ZMAT4: variants seen among roughly 807,000 people sequenced by gnomAD.
ZMAT4 encodes the protein zinc finger matrin-type 4.
In ZMAT4, 17 loss-of-function variants were observed where a neutral mutation model predicts 28.7. The ratio of observed to expected loss-of-function variants is 0.59; its 90% CI spans 0.41 to 0.89. The LOEUF is 0.89. ZMAT4 is among the 40% of genes least tolerant of loss of function. The pLI, the probability that ZMAT4 is intolerant of heterozygous loss-of-function variation, is 0.00. For missense variants in ZMAT4, 240 were observed against 283.8 expected, an observed-to-expected ratio of 0.85 and a Z score of 1.11; for synonymous variants, 117 against 109.2, an observed-to-expected ratio of 1.07 and a Z score of -0.44.
chr8:40,715,895 TG>T (rs1021981204), intron 3 of ZMAT4, among the ~76,000 whole-genome samples: 3 of 152,202 alleles, frequency 2.0e-5, no homozygotes, highest in African/African-American at 7.2e-5. Context: ...CTCCAAGTCA[TG>T]GAGAAAAACT....
intron 2 of ZMAT4, among the ~76,000 whole-genome samples, chr8:40,798,276 C>G (rs1814679221): frequency 1.3e-5 from 2 of 152,196 alleles, no homozygotes; most frequent in South Asian, 4.1e-4. Context: ...AAAGAACTTT[C>G]TGATGTTCTC....
At chr8:40,758,348 T>C (rs987157731) in intron 3 of ZMAT4, among the ~76,000 whole-genome samples, 30 of 152,158 alleles carry the variant, frequency 2.0e-4, no homozygotes, top group African/African-American at 7.0e-4. Flanking sequence ...TAAGAGAAAG[T>C]TGGTAGACTC....
chr8:40,724,713 T>C (rs1468348394), intron 3 of ZMAT4, among the ~76,000 whole-genome samples: 2 of 152,148 alleles, frequency 1.3e-5, no homozygotes, highest in Non-Finnish European at 2.9e-5. Flanking sequence ...CACTGGGGCC[T>C]TCACAGAGGA....
At chr8:40,727,537 G>A (rs1473408312) in intron 3 of ZMAT4, among the ~76,000 whole-genome samples, 1 of 152,276 alleles carries the variant, frequency 6.6e-6, no homozygotes, top group African/African-American at 2.4e-5. Context: ...GTGGATACTT[G>A]AACAAAATTG....
chr8:40,869,538 T>TA (rs1432098877), intron 1 of ZMAT4, among the ~76,000 whole-genome samples: 1 of 152,196 alleles, frequency 6.6e-6, no homozygotes, highest in African/African-American at 2.4e-5. Context: ...AGAATAAGAA[T>TA]ATCTACATCA....
At chr8:40,627,865 T>C (rs1806431307) in intron 5 of ZMAT4, among the ~76,000 whole-genome samples, 2 of 152,122 alleles carry the variant, frequency 1.3e-5, no homozygotes, top group African/African-American at 4.8e-5. Context: ...GAAAGATAAG[T>C]CCATAGCTGT....
intron 1 of ZMAT4, among the ~76,000 whole-genome samples, chr8:40,885,196 C>T (rs1380569158): frequency 6.6e-6 from 1 of 152,120 alleles, no homozygotes; most frequent in South Asian, 2.1e-4. Flanking sequence ...TCGTTTCCTC[C>T]CTCTCTACTC....
At chr8:40,854,682 G>A (rs1223880754) in intron 1 of ZMAT4, among the ~76,000 whole-genome samples, 1 of 152,168 alleles carries the variant, frequency 6.6e-6, no homozygotes, top group Non-Finnish European at 1.5e-5. Flanking sequence ...TCAGCCCACA[G>A]CCTGCAGGTG....
At chr8:40,716,679 G>A (rs1810868797) in intron 3 of ZMAT4, among the ~76,000 whole-genome samples, 1 of 152,106 alleles carries the variant, frequency 6.6e-6, no homozygotes, top group Non-Finnish European at 1.5e-5. Flanking sequence ...GCGACAGAAC[G>A]AGACTGTCTC....
At chr8:40,746,988 C>T (rs6995810) in intron 3 of ZMAT4, among the ~76,000 whole-genome samples, 3 of 151,992 alleles carry the variant, frequency 2.0e-5, no homozygotes, top group African/African-American at 7.3e-5. Context: ...TCTCTCCCCA[C>T]GTGCTCTCCC....
intron 1 of ZMAT4, among the ~76,000 whole-genome samples, chr8:40,881,600 AAAG>A (rs1460189651): frequency 8.1e-5 from 3 of 37,116 alleles, no homozygotes; most frequent in African/African-American, 3.8e-4. Context: ...GAAAGAAAGA[AAAG>A]AAAAGAAAAG....
intron 6 of ZMAT4, among the ~76,000 whole-genome samples, chr8:40,570,501 C>G (rs181482734): frequency 8.2e-4 from 125 of 152,184 alleles, no homozygotes; most frequent in African/African-American, 2.9e-3. Flanking sequence ...GAGTTTGAGA[C>G]CAGCCCGGGC....
In ZMAT4 at chr8:40,870,312, T is replaced by C. The variant is rs534722141; in HGVS notation, c.-5+27371A>G. On this transcript the variant is annotated intron_variant, in intron 1 of 6. Transcript: ENST00000297737. The stretch of plus-strand genomic sequence containing the variant: ...CCTCTTCCTTTCTGTAGCCCAGGAC[T>C]CTGTATCAGCTTCAATCATCTGACC... Among the ~76,000 whole-genome samples the C allele has an allele frequency of 3.2e-4, 49 of 152,328 alleles. No individual in the cohort carries two copies. In the East Asian group the frequency reaches 9.3e-3, roughly 29 times the overall value.
At chr8:40,781,551 A>G (rs1813824619) in intron 2 of ZMAT4, among the ~76,000 whole-genome samples, 1 of 151,722 alleles carries the variant, frequency 6.6e-6, no homozygotes, top group Admixed American at 6.6e-5. Context: ...TCACGAGGTC[A>G]GGAGTTCGAG....
intron 2 of ZMAT4, among the ~76,000 whole-genome samples, chr8:40,816,369 G>A (rs1456495597): frequency 2.0e-5 from 3 of 152,052 alleles, no homozygotes; most frequent in Non-Finnish European, 4.4e-5. Flanking sequence ...AACATATAAT[G>A]ACTATAATGT....
intron 3 of ZMAT4, among the ~76,000 whole-genome samples, chr8:40,701,438 T>C (rs915285855): frequency 4.6e-5 from 7 of 150,846 alleles, no homozygotes; most frequent in African/African-American, 1.7e-4. Flanking sequence ...GTTATTCACA[T>C]AGTGCAATTC....
intron 2 of ZMAT4, among the ~76,000 whole-genome samples, chr8:40,788,567 A>G (rs1814185340): frequency 6.6e-6 from 1 of 152,166 alleles, no homozygotes; most frequent in South Asian, 2.1e-4. Context: ...CAGCTGGGTG[A>G]CAGAAATTAA....
chr8:40,674,639 G>T, intron 5 of ZMAT4, 65 bp downstream of exon 5: 1 of 1,307,234 alleles, frequency 7.6e-7, no homozygotes, highest in Non-Finnish European at 1.1e-6. Context: ...ATTCCGATTT[G>T]TGAAAGCCGC....
At position 40,815,804 on chromosome 8, in the gene ZMAT4, G is replaced by T. The variant is rs1028441317; in HGVS notation, c.102+9771C>A. On this transcript the variant is annotated intron_variant, in intron 2 of 6. Transcript: ENST00000297737. ...ATGAAGAGAAAAGTCTAAGTCAATAGCTTGTTATTCTTTTGCCTTTTAGAC... is the reference window on the plus strand; with the variant it reads ...ATGAAGAGAAAAGTCTAAGTCAATATCTTGTTATTCTTTTGCCTTTTAGAC... Among the ~76,000 whole-genome samples, 3 of 152,178 alleles carry T rather than the reference G, an allele frequency of 2.0e-5. No individual in the cohort carries two copies. The South Asian group carries it at 6.2e-4, about 32-fold the overall frequency.
Sources: gnomAD v4.1 joint callset for allele counts (sites outside exome capture counted in the v4.1 genomes callset) on GRCh38, gnomAD v4.1.1 for gene constraint, MANE v1.5 for transcripts, NCBI Gene and HGNC (gene_info 2026-07-23, HGNC 2026-07-21) for gene names.